PSME4: variants seen among roughly 807,000 people sequenced by gnomAD.
The protein encoded by PSME4 is proteasome activator subunit 4.
Under a neutral mutation model 253.9 loss-of-function variants are expected in PSME4, and 89 were observed. The observed-to-expected ratio is 0.35, with a 90% CI of 0.30 to 0.42. The LOEUF (loss-of-function observed/expected upper bound fraction) is 0.42. PSME4 is among the 10% of genes least tolerant of loss of function. The probability of loss-of-function intolerance (pLI) is 1.00; values close to 1 mark genes in which losing one functional copy is unlikely to be tolerated. For synonymous variants in PSME4, 851 were observed against 759.2 expected, an observed-to-expected ratio of 1.12 and a Z score of -1.99; for missense variants, 2,014 against 2,195.2, an observed-to-expected ratio of 0.92 and a Z score of 1.65.
intron 17 of PSME4, 115 bp from the exon 18 acceptor site, chr2:53,921,219 T>A: frequency 1.4e-6 from 2 of 1,463,170 alleles, no homozygotes; most frequent in Non-Finnish European, 1.8e-6. Flanking sequence ...ATGACTTTAA[T>A]TAATTTTAGG....
chr2:53,876,474 T>A (rs1367982989), intron 41 of PSME4, among the ~76,000 whole-genome samples: 30 of 152,242 alleles, frequency 2.0e-4, no homozygotes, highest in Non-Finnish European at 5.9e-5. Flanking sequence ...ACATAAGTGG[T>A]GCTGTGTATT....
intron 38 of PSME4, 28 bp from the exon 39 acceptor site, chr2:53,888,017 T>C (rs774443830): frequency 5.7e-6 from 9 of 1,588,638 alleles, no homozygotes; most frequent in African/African-American, 5.5e-5. Flanking sequence ...TAGTGTTATA[T>C]TGGAGGCCCT....
At chr2:53,938,661 A>G (rs1014062570) in intron 4 of PSME4, among the ~76,000 whole-genome samples, 2 of 152,148 alleles carry the variant, frequency 1.3e-5, no homozygotes, top group African/African-American at 4.8e-5. Flanking sequence ...TTCTTTCCAA[A>G]TAAGTTGGGA....
chr2:53,926,743 C>T (rs11894028), intron 12 of PSME4, among the ~76,000 whole-genome samples: 18,104 of 151,404 alleles, frequency 0.12, 1,772 homozygotes, highest in African/African-American at 0.27. Flanking sequence ...GAGGTCAAGG[C>T]GGGCAGATTA....
chr2:53,873,648 AAAAC>A (rs942970461), intron 43 of PSME4, among the ~76,000 whole-genome samples: 7 of 152,352 alleles, frequency 4.6e-5, no homozygotes, highest in South Asian at 2.1e-4. Flanking sequence ...CTACCAAAGA[AAAAC>A]AAAAAAAGGA....
rs776295316 is a variant in PSME4, at chr2:53,928,168, C to G, written c.1452G>C (p.Leu484=). ...CCACCCCAGGCAATGCTCTCATCAACAGAGGTAGCATATGTGTAGGACCTT... is the reference window on the plus strand; with the variant it reads ...CCACCCCAGGCAATGCTCTCATCAAGAGAGGTAGCATATGTGTAGGACCTT... ...FPEGPTHMLP[L]LMRALPGVDP... Residue 484 remains leucine, a synonymous_variant, in exon 11 of 47, where the codon CTG becomes CTC. Transcript: ENST00000404125. 1 of 1,613,960 alleles carries G rather than the reference C, an allele frequency of 6.2e-7. No homozygotes were observed. Among genetic ancestry groups the G allele is most frequent in the African/African-American group, 1.3e-5 (1 of 74,890 alleles).
At chr2:53,962,817 C>T (rs1344471989) in intron 1 of PSME4, among the ~76,000 whole-genome samples, 1 of 151,958 alleles carries the variant, frequency 6.6e-6, no homozygotes, top group Admixed American at 6.6e-5. Flanking sequence ...TCGAGACCAT[C>T]CTGGCCAATA....
chr2:53,868,564 A>ATATATG (rs1244749194), intron 44 of PSME4, among the ~76,000 whole-genome samples: 3 of 124,194 alleles, frequency 2.4e-5, no homozygotes, highest in Non-Finnish European at 4.8e-5. Context: ...TAATATATAT[A>ATATATG]ATATATATTA....
intron 34 of PSME4, among the ~76,000 whole-genome samples, chr2:53,894,458 G>C (rs1403087559): frequency 6.7e-6 from 1 of 149,962 alleles, no homozygotes; most frequent in Admixed American, 6.6e-5. Context: ...TTTTTGTAGA[G>C]ACAAGGTTTT....
chr2:53,923,018 G>A (rs748528830), intron 16 of PSME4, 31 bp downstream of exon 16: 6 of 1,426,908 alleles, frequency 4.2e-6, no homozygotes, highest in East Asian at 2.5e-5. Context: ...ATCCAAAATT[G>A]TAAAGAGAGA....
At position 53,923,422 on chromosome 2, in the gene PSME4, G is replaced by T; in HGVS notation, c.1810-3C>A. 1 of 1,586,514 alleles carries T rather than the reference G, an allele frequency of 6.3e-7. No homozygotes were observed. The highest frequency in any genetic ancestry group is 1.2e-5 in the South Asian group (1 of 85,014). On this transcript the variant is annotated splice_region_variant and splice_polypyrimidine_tract_variant and intron_variant, in intron 14 of 46. Coordinates refer to ENST00000404125, the MANE Select transcript of PSME4 (RefSeq NM_014614.3). ...TTAAAAACCTTCTGAAGGGCCACCT[G>T]TTAAGATATGAAAATGTTTAATGAG... is the stretch of plus-strand genomic sequence containing the variant.
intron 17 of PSME4, among the ~76,000 whole-genome samples, chr2:53,922,180 A>G (rs555563653): frequency 6.6e-6 from 1 of 151,442 alleles, no homozygotes; most frequent in South Asian, 2.1e-4. Context: ...GAAAAAAGAA[A>G]AGAAAAGAAA....
At chr2:53,960,990 C>A (rs1670472768) in intron 1 of PSME4, among the ~76,000 whole-genome samples, 1 of 152,270 alleles carries the variant, frequency 6.6e-6, no homozygotes, top group South Asian at 2.1e-4. Flanking sequence ...GCCTGTAATC[C>A]TAGCTACCCA....
intron 1 of PSME4, among the ~76,000 whole-genome samples, chr2:53,958,718 A>G (rs572755979): frequency 1.3e-5 from 2 of 152,226 alleles, no homozygotes; most frequent in African/African-American, 4.8e-5. Flanking sequence ...GGTGGAACTA[A>G]AAGTATGGTG....
chr2:53,870,151 A>T (rs1321816031), intron 43 of PSME4: 1 of 152,214 alleles, frequency 6.6e-6, no homozygotes. Context: ...AATCACAAAC[A>T]TTTGTTTAAT....
chr2:53,899,729 A>G lies in PSME4; in HGVS notation c.3422+152T>C, dbSNP rs1249534509. 9 of 872,048 alleles carry G rather than the reference A, an allele frequency of 1.0e-5. No individual in the cohort carries two copies. In the African/African-American group the frequency reaches 1.5e-4, roughly 15 times the overall value. The allele number at this position is 872,048 out of a possible 1,614,324, so 54.0% of individuals were successfully genotyped here. ...GCTACTCGGGAGGCTGACGCATGAG[A>G]AGAGCTTAAACCCAGGAGGTGAAGG... On this transcript the variant is annotated intron_variant, in intron 29 of 46. Transcript: ENST00000404125.
rs10685516 is a variant in PSME4, at chr2:53,916,241, C to CAAAA, written c.2516+2906_2516+2909dup. On this transcript the variant is annotated intron_variant, in intron 20 of 46. Transcript: ENST00000404125. ...TGGGCAATAGGGCGAGACTCTGTCT[C>CAAAA]AAAAAAAAAAAAAAAAAAAATCTTA... Among the ~76,000 whole-genome samples, 121 of 104,146 alleles carry CAAAA rather than the reference C, an allele frequency of 1.2e-3. 2 individuals carry two copies. The highest frequency in any genetic ancestry group is 2.9e-3 in the African/African-American group (73 of 24,844). 68.3% of individuals were successfully genotyped at this position (104,146 alleles called of 152,430 possible).
chr2:53,962,260 G>T (rs1360168284), intron 1 of PSME4, among the ~76,000 whole-genome samples: 2 of 152,128 alleles, frequency 1.3e-5, no homozygotes, highest in Admixed American at 6.5e-5. Context: ...AGTCTTTGAA[G>T]AGGAACCTCT....
intron 1 of PSME4, among the ~76,000 whole-genome samples, chr2:53,949,767 T>C (rs1339530435): frequency 6.6e-6 from 1 of 152,106 alleles, no homozygotes; most frequent in African/African-American, 2.4e-5. Flanking sequence ...ATGGGTATAG[T>C]TTCAGTCAAG....
Sources: allele counts gnomAD v4.1 joint callset (sites outside exome capture counted in the v4.1 genomes callset), GRCh38; gene constraint gnomAD v4.1.1; transcripts MANE v1.5; gene names NCBI Gene and HGNC (gene_info 2026-07-23, HGNC 2026-07-21).